Variants in PHLPP1 observed in about 807,000 individuals in gnomAD.
PHLPP1 encodes the protein PH domain and leucine rich repeat protein phosphatase 1, also known as PH domain leucine-rich repeat-containing protein phosphatase 1.
A neutral mutation model predicts 117.2 loss-of-function variants in PHLPP1; 42 were observed. The ratio of observed to expected loss-of-function variants is 0.36; its 90% CI spans 0.28 to 0.46. The LOEUF is 0.46. Ranked by LOEUF, PHLPP1 falls within the 20% of genes least tolerant of loss-of-function variation. PHLPP1 has a pLI of 1.00. For missense variants in PHLPP1, 2,084 were observed against 2,241.9 expected, an observed-to-expected ratio of 0.93 and a Z score of 1.42; for synonymous variants, 1,042 against 970.7, an observed-to-expected ratio of 1.07 and a Z score of -1.37.
intron 7 of PHLPP1, among the ~76,000 whole-genome samples, chr18:62,904,074 G>C (rs1344243724): frequency 6.6e-6 from 1 of 152,094 alleles, no homozygotes; most frequent in Non-Finnish European, 1.5e-5. Context: ...GAAAGATGAA[G>C]GATTTTTCAA....
chr18:62,799,116 A>G (rs1004879239), intron 1 of PHLPP1, among the ~76,000 whole-genome samples: 5 of 152,218 alleles, frequency 3.3e-5, no homozygotes, highest in African/African-American at 1.2e-4. Flanking sequence ...GATTTTAAGG[A>G]AAGAAAGGGA....
intron 10 of PHLPP1, among the ~76,000 whole-genome samples, chr18:62,924,369 C>T (rs747921121): frequency 1.3e-5 from 2 of 151,928 alleles, no homozygotes; most frequent in Non-Finnish European, 2.9e-5. Context: ...TTCAGTGGTT[C>T]GTGTTCTGAA....
chr18:62,852,956 C>G (rs1314993356), intron 3 of PHLPP1, among the ~76,000 whole-genome samples: 7 of 152,070 alleles, frequency 4.6e-5, no homozygotes, highest in Non-Finnish European at 7.4e-5. Flanking sequence ...AAGGATAGGA[C>G]AGATAGATTG....
chr18:62,823,019 AT>A (rs1278809952), intron 1 of PHLPP1, among the ~76,000 whole-genome samples: 1 of 152,214 alleles, frequency 6.6e-6, no homozygotes, highest in Non-Finnish European at 1.5e-5. Flanking sequence ...GTTAATAGAA[AT>A]TTTTGCTTGA....
chr18:62,790,022 C>G (rs1180697110), intron 1 of PHLPP1, among the ~76,000 whole-genome samples: 1 of 151,996 alleles, frequency 6.6e-6, no homozygotes, highest in Non-Finnish European at 1.5e-5. Flanking sequence ...ATTTCATGGG[C>G]TATTATGATG....
intron 1 of PHLPP1, among the ~76,000 whole-genome samples, chr18:62,739,979 CCAT>C (rs1911475462): frequency 6.6e-6 from 1 of 152,088 alleles, no homozygotes; most frequent in South Asian, 2.1e-4. Flanking sequence ...CTTCCTTGGG[CCAT>C]CCTAAAGCAC....
At chr18:62,788,044 G>A (rs544361381) in intron 1 of PHLPP1, among the ~76,000 whole-genome samples, 2 of 152,310 alleles carry the variant, frequency 1.3e-5, no homozygotes, top group East Asian at 3.9e-4. Flanking sequence ...AACATTTCAT[G>A]TCTGTTTTAT....
At chr18:62,813,944 T>A (rs1914193835) in intron 1 of PHLPP1, among the ~76,000 whole-genome samples, 1 of 151,002 alleles carries the variant, frequency 6.6e-6, no homozygotes, top group African/African-American at 2.5e-5. Flanking sequence ...ATGTGAGAAT[T>A]TTCTTTGGTG....
chr18:62,861,335 C>T (rs1915628388), intron 4 of PHLPP1, among the ~76,000 whole-genome samples: 3 of 152,128 alleles, frequency 2.0e-5, no homozygotes, highest in Admixed American at 6.6e-5. Flanking sequence ...AACTCCTAAC[C>T]TCAAGTGATC....
intron 1 of PHLPP1, among the ~76,000 whole-genome samples, chr18:62,789,255 A>G (rs1034270067): frequency 1.3e-5 from 2 of 152,192 alleles, no homozygotes; most frequent in Non-Finnish European, 1.5e-5. Flanking sequence ...GAAACAAACA[A>G]TGGCAGAGAG....
chr18:62,815,972 G>C (rs1013270257), intron 1 of PHLPP1, among the ~76,000 whole-genome samples: 1 of 152,076 alleles, frequency 6.6e-6, no homozygotes, highest in Admixed American at 6.5e-5. Flanking sequence ...ATCTTTTCAG[G>C]TTGGCAGTTA....
intron 1 of PHLPP1, among the ~76,000 whole-genome samples, chr18:62,750,512 C>T (rs995322368): frequency 3.3e-5 from 5 of 152,164 alleles, no homozygotes; most frequent in African/African-American, 1.2e-4. Flanking sequence ...GTCTTCAAAA[C>T]CCCGCACTTA....
intron 1 of PHLPP1, among the ~76,000 whole-genome samples, chr18:62,736,298 C>T (rs993663671): frequency 1.3e-5 from 2 of 152,140 alleles, no homozygotes; most frequent in Non-Finnish European, 2.9e-5. Flanking sequence ...TTAACAAGAT[C>T]CCCAGGAGTT....
intron 3 of PHLPP1, among the ~76,000 whole-genome samples, chr18:62,849,832 A>AAAAAAAAATAT (rs1555677083): frequency 6.0e-5 from 2 of 33,098 alleles, no homozygotes; most frequent in East Asian, 8.2e-4. Context: ...AAAAAAAAAA[A>AAAAAAAAATAT]ATATATATAT....
chr18:62,958,710 A>G lies in PHLPP1; in HGVS notation c.3406A>G (p.Thr1136Ala), dbSNP rs1313660962. The G allele has an allele frequency of 6.2e-7, 1 of 1,614,008 alleles. No individual in the cohort carries two copies. Among genetic ancestry groups the G allele is most frequent in the Admixed American group, 1.7e-5 (1 of 60,028 alleles). Residue 1136 changes from threonine to alanine, a missense_variant, in exon 13 of 17, where the codon ACT becomes GCT. Physicochemically the swap from Thr to Ala is moderately conservative, Grantham distance 58. Transcript: ENST00000262719. ...TCCCAAACTGCAGGAGCTAGACCTGACTGGAAACCCGCGCCTTGTCCTTGA... is the reference window on the plus strand; with the variant it reads ...TCCCAAACTGCAGGAGCTAGACCTGGCTGGAAACCCGCGCCTTGTCCTTGA... ...LPPKLQELDL[T>A]GNPRLVLDHK...
intron 4 of PHLPP1, among the ~76,000 whole-genome samples, chr18:62,873,101 G>A (rs1915951153): frequency 6.6e-6 from 1 of 152,032 alleles, no homozygotes; most frequent in Admixed American, 6.6e-5. Context: ...GTATATTTTG[G>A]GGTAGCGTAT....
At chr18:62,758,201 T>C (rs1367663844) in intron 1 of PHLPP1, among the ~76,000 whole-genome samples, 1 of 152,248 alleles carries the variant, frequency 6.6e-6, no homozygotes, top group Non-Finnish European at 1.5e-5. Context: ...AAAATTGTAA[T>C]TGTAACTTTT....
rs542454139 is a variant in PHLPP1 at position 62,890,022 on chromosome 18, C to T, written c.2067-4989C>T. On this transcript the variant is annotated intron_variant, in intron 4 of 16. Transcript: ENST00000262719. ...TGCAGCTCTTGGGAAAGGGTGCCCCCGACTCCTTGTTCTGTAGGGGGCACT... is the reference window on the plus strand; with the variant it reads ...TGCAGCTCTTGGGAAAGGGTGCCCCTGACTCCTTGTTCTGTAGGGGGCACT... Among the ~76,000 whole-genome samples, 4 of 152,100 alleles carry T rather than the reference C, an allele frequency of 2.6e-5. No individual in the cohort carries two copies. In the South Asian group the frequency reaches 6.2e-4, roughly 24 times the overall value.
At chr18:62,916,285 G>A (rs565220) in intron 9 of PHLPP1, among the ~76,000 whole-genome samples, 1 of 150,976 alleles carries the variant, frequency 6.6e-6, no homozygotes, top group African/African-American at 2.4e-5. Context: ...TTAATATTTG[G>A]GGTATATTCT....
Sources: gnomAD v4.1 joint callset for allele counts (sites outside exome capture counted in the v4.1 genomes callset) on GRCh38, gnomAD v4.1.1 for gene constraint, MANE v1.5 for transcripts, NCBI Gene and HGNC (gene_info 2026-07-23, HGNC 2026-07-21) for gene names.